INTS4: variants seen among roughly 807,000 people sequenced by gnomAD.
INTS4 encodes the protein MSTP093.
In INTS4, 70 loss-of-function variants were observed where a neutral mutation model predicts 119.5. The observed-to-expected ratio is 0.59, with a 90% CI of 0.48 to 0.71. The LOEUF is 0.71. Ranked by LOEUF, INTS4 falls within the 30% of genes least tolerant of loss-of-function variation. The pLI is 0.00. For synonymous variants in INTS4, 316 were observed against 419.6 expected, an observed-to-expected ratio of 0.75 and a Z score of 3.02; for missense variants, 867 against 1,173.2, an observed-to-expected ratio of 0.74 and a Z score of 3.81.
At chr11:77,890,850 G>A (rs1952231779) in intron 21 of INTS4, among the ~76,000 whole-genome samples, 1 of 152,172 alleles carries the variant, frequency 6.6e-6, no homozygotes, top group Admixed American at 6.5e-5. Context: ...CATTTCTCAT[G>A]TGTCTCTATT....
rs536812864 is a variant in INTS4 at position 77,887,214 on chromosome 11, C to T, written c.2593-3262G>A. Among the ~76,000 whole-genome samples the T allele has an allele frequency of 5.3e-5, 8 of 152,306 alleles. No individual in the cohort carries two copies. The East Asian group carries it at 1.5e-3, about 29-fold the overall frequency. Reference sequence around the variant, plus strand: ...CCAAATCCAGCAGCACATCAGAAAGCTTATCCACCATGATCAAGTGGGCTT... The same window carrying T: ...CCAAATCCAGCAGCACATCAGAAAGTTTATCCACCATGATCAAGTGGGCTT... On this transcript the variant is annotated intron_variant, in intron 21 of 22. Transcript: ENST00000534064.
chr11:77,886,382 A>G (rs2136372034), intron 21 of INTS4, among the ~76,000 whole-genome samples: 1 of 152,306 alleles, frequency 6.6e-6, no homozygotes, highest in South Asian at 2.1e-4. Flanking sequence ...ATGAATGATC[A>G]TCAGGTAGAA....
intron 15 of INTS4, among the ~76,000 whole-genome samples, chr11:77,914,438 G>T (rs754069554): frequency 3.3e-5 from 5 of 152,182 alleles, no homozygotes; most frequent in Admixed American, 6.5e-5. Context: ...ATTTTACTGG[G>T]CTCAGGGCCA....
At chr11:77,938,319 A>G (rs1322809788) in intron 10 of INTS4, among the ~76,000 whole-genome samples, 1 of 152,218 alleles carries the variant, frequency 6.6e-6, no homozygotes, top group Admixed American at 6.5e-5. Context: ...AGTGCTTATT[A>G]TAAATAGGCA....
chr11:77,983,986 T>C (rs780663018), intron 2 of INTS4, among the ~76,000 whole-genome samples: 5 of 152,060 alleles, frequency 3.3e-5, no homozygotes, highest in Non-Finnish European at 5.9e-5. Context: ...AATGCAAGTA[T>C]CCATTGGCAA....
chr11:77,890,746 G>A (rs1952227631), intron 21 of INTS4, among the ~76,000 whole-genome samples: 2 of 152,326 alleles, frequency 1.3e-5, no homozygotes, highest in African/African-American at 2.4e-5. Context: ...ATGGATGGAA[G>A]GAAGGATGAA....
At chr11:77,929,345 C>A (rs561264439) in intron 10 of INTS4, among the ~76,000 whole-genome samples, 1 of 152,124 alleles carries the variant, frequency 6.6e-6, no homozygotes, top group African/African-American at 2.4e-5. Flanking sequence ...CCCACCTTAA[C>A]GTCGATCTAA....
intron 4 of INTS4, among the ~76,000 whole-genome samples, chr11:77,974,015 T>C (rs1855841908): frequency 6.6e-6 from 1 of 152,176 alleles, no homozygotes; most frequent in Non-Finnish European, 1.5e-5. Context: ...TTAATTCTTA[T>C]TTCAATATTT....
chr11:77,946,977 T>C (rs1164133919), intron 8 of INTS4, among the ~76,000 whole-genome samples: 4 of 148,442 alleles, frequency 2.7e-5, no homozygotes, highest in African/African-American at 9.9e-5. Flanking sequence ...CAAACAGAAA[T>C]CTTGGAACTG....
intron 8 of INTS4, among the ~76,000 whole-genome samples, chr11:77,949,519 CA>C (rs1177164712): frequency 0.011 from 809 of 76,412 alleles, 4 homozygotes; most frequent in African/African-American, 0.027. Context: ...AACAAATTTA[CA>C]AAAAAAAAAA....
At chr11:77,878,654 G>A (rs1951673965), downstream of INTS4, 2 of 642,878 alleles carry the variant, frequency 3.1e-6, no homozygotes, top group South Asian at 1.8e-5. Flanking sequence ...TAGCATGTAA[G>A]CACGTAGTAT....
chr11:77,944,626 C>G (rs1301937282), intron 8 of INTS4, among the ~76,000 whole-genome samples: 1 of 152,276 alleles, frequency 6.6e-6, no homozygotes, highest in East Asian at 1.9e-4. Flanking sequence ...CGATGTTTGT[C>G]GATTTGCTGA....
At chr11:77,958,188 C>T (rs1159653911) in intron 7 of INTS4, among the ~76,000 whole-genome samples, 1 of 150,602 alleles carries the variant, frequency 6.6e-6, no homozygotes, top group East Asian at 1.9e-4. Flanking sequence ...TTTTCCTATA[C>T]AAGGAAAAAT....
chr11:77,960,657 C>T (rs1260216498), intron 5 of INTS4, among the ~76,000 whole-genome samples: 5 of 152,054 alleles, frequency 3.3e-5, no homozygotes, highest in Non-Finnish European at 7.4e-5. Context: ...ATGATTAACA[C>T]CACCTCCCCC....
intron 9 of INTS4, among the ~76,000 whole-genome samples, chr11:77,939,772 G>C (rs1953884770): frequency 6.6e-6 from 1 of 151,754 alleles, no homozygotes; most frequent in African/African-American, 2.4e-5. Context: ...TTGAGCCCGG[G>C]AGGCAGAGGT....
intron 4 of INTS4, among the ~76,000 whole-genome samples, chr11:77,967,040 G>C (rs1020592814): frequency 6.6e-6 from 1 of 152,088 alleles, no homozygotes; most frequent in Non-Finnish European, 1.5e-5. Flanking sequence ...TAATGGGTAT[G>C]AAGTGGTATC....
intron 15 of INTS4, chr11:77,911,036 T>C: frequency 2.3e-6 from 3 of 1,288,994 alleles, no homozygotes; most frequent in Non-Finnish European, 3.0e-6. Context: ...GGTTTCACAG[T>C]AGCCTGGAAA....
At chr11:77,904,474 A>G (rs1355356990) in intron 16 of INTS4, among the ~76,000 whole-genome samples, 1 of 152,198 alleles carries the variant, frequency 6.6e-6, no homozygotes, top group Non-Finnish European at 1.5e-5. Flanking sequence ...TTAAATTATT[A>G]ATTAGTTTAC....
intron 10 of INTS4, among the ~76,000 whole-genome samples, chr11:77,935,576 G>A (rs1301124005): frequency 6.6e-6 from 1 of 152,094 alleles, no homozygotes; most frequent in Non-Finnish European, 1.5e-5. Flanking sequence ...AGGTCACACA[G>A]GGCCTATAAA....
Sources: gnomAD v4.1 joint callset for allele counts (sites outside exome capture counted in the v4.1 genomes callset) on GRCh38, gnomAD v4.1.1 for gene constraint, MANE v1.5 for transcripts, NCBI Gene and HGNC (gene_info 2026-07-23, HGNC 2026-07-21) for gene names.